The following POLN variants were observed in gnomAD, a reference collection of about 807,000 sequenced individuals.
POLN encodes the protein DNA polymerase nu.
In POLN, 108 loss-of-function variants were observed where a neutral mutation model predicts 113.5. The ratio of observed to expected loss-of-function variants is 0.95; its 90% CI spans 0.81 to 1.12. POLN has a LOEUF of 1.12. Among genes scored for constraint, POLN ranks in the 50% most tolerant of loss-of-function variants. The pLI is 0.00. For missense variants in POLN, 1,097 were observed against 1,077.1 expected (o/e 1.02, Z -0.26); for synonymous variants, 386 against 391.5 (o/e 0.99, Z 0.17).
At chr4:2,087,216 C>A (rs1730570591) in intron 20 of POLN, among the ~76,000 whole-genome samples, 1 of 152,208 alleles carries the variant, frequency 6.6e-6, no homozygotes, top group South Asian at 2.1e-4. Flanking sequence ...TGAAAAATCT[C>A]CAATATCTCT....
chr4:2,160,310 T>C (rs1732548157), intron 13 of POLN, among the ~76,000 whole-genome samples: 1 of 152,256 alleles, frequency 6.6e-6, no homozygotes, highest in South Asian at 2.1e-4. Flanking sequence ...TGTGTGTCTT[T>C]TTCTCCTTGG....
At chr4:2,140,985 T>G (rs1731987690) in intron 16 of POLN, 1 of 152,300 alleles carries the variant, frequency 6.6e-6, no homozygotes, top group Non-Finnish European at 1.5e-5. Flanking sequence ...TGAGGCGCTC[T>G]GCATCCCCAC....
intron 16 of POLN, among the ~76,000 whole-genome samples, chr4:2,138,904 A>C (rs1273526708): frequency 6.6e-6 from 1 of 151,810 alleles, no homozygotes; most frequent in Non-Finnish European, 1.5e-5. Flanking sequence ...AAAAAAAAAG[A>C]AAAGAAAAGA....
At chr4:2,156,986 T>G (rs1732450980) in intron 15 of POLN, 133 bp from the exon 16 acceptor site, 2 of 711,304 alleles carry the variant, frequency 2.8e-6, no homozygotes. Context: ...GCCCTAAACT[T>G]CCAACCCTGA....
chr4:2,100,592 A>T (rs1214449862), intron 19 of POLN, among the ~76,000 whole-genome samples: 2 of 152,284 alleles, frequency 1.3e-5, no homozygotes, highest in African/African-American at 4.8e-5. Context: ...TATCGGGAGG[A>T]CTGGGGGGTG....
At chr4:2,077,337 C>T (rs747180429) in intron 23 of POLN, among the ~76,000 whole-genome samples, 6 of 152,210 alleles carry the variant, frequency 3.9e-5, no homozygotes, top group Non-Finnish European at 8.8e-5. Flanking sequence ...GTAGCTTGGG[C>T]CTGTGTTCCT....
At chr4:2,217,013 TGTG>T (rs901532209) in intron 3 of POLN, among the ~76,000 whole-genome samples, 9 of 152,198 alleles carry the variant, frequency 5.9e-5, no homozygotes, top group Non-Finnish European at 1.2e-4. Context: ...ATCCTATTAA[TGTG>T]GTGGTTTGGT....
In POLN at chr4:2,126,120, C is replaced by A. The variant is rs1459258268; in HGVS notation, c.1982+1993G>T. ...GGCCTTGGCTCCTGGTGCCCTGGAC[C>A]CCACCATGTGCTGTGCTCGTCACAT... On this transcript the variant is annotated intron_variant, in intron 19 of 25. Transcript: ENST00000511885. The surrounding 1 kb of genome is among the most constrained non-coding windows in gnomAD (Gnocchi z 4.6). Among the ~76,000 whole-genome samples, 1 of 152,132 alleles carries A rather than the reference C, an allele frequency of 6.6e-6. No individual in the cohort carries two copies. Among genetic ancestry groups the A allele is most frequent in the Non-Finnish European group, 1.5e-5 (1 of 68,032 alleles).
intron 7 of POLN, among the ~76,000 whole-genome samples, chr4:2,188,634 CAAAAA>C (rs748859439): frequency 0.13 from 14,771 of 117,364 alleles, 1,209 homozygotes; most frequent in African/African-American, 0.35. Context: ...CAAAACAAAA[CAAAAA>C]AAAACCACGA....
chr4:2,175,631 T>G (rs927615694), intron 9 of POLN, among the ~76,000 whole-genome samples: 2 of 152,226 alleles, frequency 1.3e-5, no homozygotes, highest in Non-Finnish European at 2.9e-5. Context: ...CTGCTGCCAT[T>G]AGAGAGTCCC....
intron 21 of POLN, 30 bp from the exon 22 acceptor site, chr4:2,081,773 G>A: frequency 6.3e-7 from 1 of 1,595,852 alleles, no homozygotes; most frequent in Non-Finnish European, 8.6e-7. Context: ...AGTAGATGAG[G>A]GACAGAAACA....
At chr4:2,116,614 T>C (rs752717252) in intron 19 of POLN, among the ~76,000 whole-genome samples, 1 of 151,528 alleles carries the variant, frequency 6.6e-6, no homozygotes, top group Admixed American at 6.6e-5. Context: ...AGGGTGTGCA[T>C]ACAGAGAAAG....
intron 3 of POLN, among the ~76,000 whole-genome samples, chr4:2,220,701 C>T (rs1240067614): frequency 6.6e-6 from 1 of 152,182 alleles, no homozygotes; most frequent in African/African-American, 2.4e-5. Context: ...GTTAGTAATG[C>T]CTTAAACATT....
At chr4:2,229,402 T>C (rs1334850047) in intron 2 of POLN, 159 bp from the exon 3 acceptor site, 5 of 582,864 alleles carry the variant, frequency 8.6e-6, no homozygotes, top group Non-Finnish European at 1.3e-5. Flanking sequence ...ATAATATAGA[T>C]AGAAAGAAAA....
chr4:2,102,482 C>T (rs550061723), intron 19 of POLN, among the ~76,000 whole-genome samples: 10 of 152,320 alleles, frequency 6.6e-5, no homozygotes, highest in African/African-American at 2.4e-4. Context: ...AACAGAGCAT[C>T]TCACAACCAC....
chr4:2,115,990 GC>G (rs367558978), intron 19 of POLN, among the ~76,000 whole-genome samples: 3 of 152,280 alleles, frequency 2.0e-5, no homozygotes, highest in African/African-American at 7.2e-5. Context: ...GGTTCACTTT[GC>G]CCTCTAGTCC....
intron 19 of POLN, among the ~76,000 whole-genome samples, chr4:2,116,664 C>G (rs1731325677): frequency 6.6e-6 from 1 of 152,128 alleles, no homozygotes; most frequent in Non-Finnish European, 1.5e-5. Flanking sequence ...GGCAAGTGGC[C>G]TGCAAACTTG....
In POLN at chr4:2,174,686, C is replaced by G; in HGVS notation, c.1309+5G>C. On this transcript the variant is annotated splice_donor_5th_base_variant and intron_variant, in intron 10 of 25. Transcript: ENST00000511885. ...TGGCTGTACTTCATCTTTATGGTAACTTACCTGCCAAAATTGGTATCAGAG... is the reference window on the plus strand; with the variant it reads ...TGGCTGTACTTCATCTTTATGGTAAGTTACCTGCCAAAATTGGTATCAGAG... 1 of 1,604,494 alleles carries G rather than the reference C, an allele frequency of 6.2e-7. No individual in the cohort carries two copies. The highest frequency in any genetic ancestry group is 1.1e-5 in the South Asian group (1 of 90,826).
chr4:2,128,577 A>C (rs1260741084), intron 18 of POLN, among the ~76,000 whole-genome samples: 1 of 152,172 alleles, frequency 6.6e-6, no homozygotes, highest in Admixed American at 6.5e-5. Context: ...GGGGAAGAGG[A>C]ATGGCCTGGG....
Sources: gnomAD v4.1 joint callset for allele counts (sites outside exome capture counted in the v4.1 genomes callset) on GRCh38, gnomAD v4.1.1 for gene constraint, Gnocchi (gnomAD v3.1) non-coding constraint, MANE v1.5 for transcripts, NCBI Gene and HGNC (gene_info 2026-07-23, HGNC 2026-07-21) for gene names.